Variants in SLC9A8 observed in about 807,000 individuals in gnomAD.
SLC9A8 encodes solute carrier family 9 member A8.
SLC9A8 carries 48 observed loss-of-function variants against 66.6 expected under a neutral mutation model. The observed-to-expected ratio is 0.72, with a 90% CI of 0.57 to 0.92. SLC9A8 has a LOEUF of 0.92. SLC9A8 is among the 40% of genes least tolerant of loss of function. SLC9A8 has a pLI of 0.00. For synonymous variants in SLC9A8, 274 were observed against 282.6 expected (o/e 0.97, Z 0.31); for missense variants, 599 against 747.3 (o/e 0.80, Z 2.31).
chr20:49,813,835 A>G (rs1385632002), intron 1 of SLC9A8, among the ~76,000 whole-genome samples: 2 of 152,204 alleles, frequency 1.3e-5, no homozygotes, highest in African/African-American at 4.8e-5. Flanking sequence ...GACAGGCAGC[A>G]TGGCTGGTGT....
intron 4 of SLC9A8, among the ~76,000 whole-genome samples, chr20:49,841,604 T>C (rs528089962): frequency 5.9e-5 from 9 of 152,064 alleles, no homozygotes; most frequent in Non-Finnish European, 1.2e-4. Flanking sequence ...TTATTTTCTT[T>C]TTTTGAGACA....
chr20:49,884,951 T>C (rs2089836345), intron 14 of SLC9A8, among the ~76,000 whole-genome samples: 1 of 152,240 alleles, frequency 6.6e-6, no homozygotes, highest in Non-Finnish European at 1.5e-5. Context: ...CTAGTTCCCG[T>C]ATTCTAGGCC....
At chr20:49,851,216 A>AGAG (rs1353641318) in intron 7 of SLC9A8, among the ~76,000 whole-genome samples, 1 of 152,166 alleles carries the variant, frequency 6.6e-6, no homozygotes, top group Non-Finnish European at 1.5e-5. Flanking sequence ...TTAGAGATGG[A>AGAG]GAGGGGGAGT....
At chr20:49,884,331 CACACACCCCCCG>C (rs2089804397) in intron 14 of SLC9A8, among the ~76,000 whole-genome samples, 3 of 139,508 alleles carry the variant, frequency 2.2e-5, no homozygotes, top group African/African-American at 8.3e-5. Context: ...CACACACACA[CACACACCCCCCG>C]GTCATCCCCC....
At chr20:49,818,045 G>A (rs1046729757) in intron 2 of SLC9A8, among the ~76,000 whole-genome samples, 4 of 151,780 alleles carry the variant, frequency 2.6e-5, no homozygotes, top group African/African-American at 9.7e-5. Flanking sequence ...AAAAACTTTT[G>A]TAATCACTTT....
intron 10 of SLC9A8, among the ~76,000 whole-genome samples, chr20:49,874,426 CTG>C (rs770971150): frequency 1.3e-5 from 2 of 152,098 alleles, no homozygotes; most frequent in Non-Finnish European, 2.9e-5. Flanking sequence ...CCTAACAGTT[CTG>C]TGAGTGGCTA....
At chr20:49,849,718 C>T (rs1441081485) in intron 6 of SLC9A8, 38 bp downstream of exon 6, 1 of 1,503,612 alleles carries the variant, frequency 6.7e-7, no homozygotes. Flanking sequence ...GAAAGTCTTA[C>T]ATTCTTAGAG....
intron 13 of SLC9A8, among the ~76,000 whole-genome samples, chr20:49,883,547 T>C (rs2089710222): frequency 6.6e-6 from 1 of 152,132 alleles, no homozygotes; most frequent in South Asian, 2.1e-4. Context: ...GTCCTGCAGT[T>C]TCCAAGACAC....
At chr20:49,877,536 A>G (rs1206136202) in intron 11 of SLC9A8, among the ~76,000 whole-genome samples, 1 of 152,090 alleles carries the variant, frequency 6.6e-6, no homozygotes, top group African/African-American at 2.4e-5. Context: ...ACCTTGTGGC[A>G]GTGTTAAATA....
chr20:49,832,082 C>T lies in SLC9A8; in HGVS notation c.290-7459C>T, dbSNP rs537606794. ...GAGCTGCTCTGACCTTGGTCTCCTC[C>T]CCGCAGTCCCACATTCTCCAGCCTG... is the stretch of plus-strand genomic sequence containing the variant. On this transcript the variant is annotated intron_variant, in intron 3 of 15. Coordinates refer to ENST00000361573, the MANE Select transcript of SLC9A8 (RefSeq NM_015266.3). Among the ~76,000 whole-genome samples the T allele has an allele frequency of 7.2e-4, 110 of 152,262 alleles. 1 individual carries two copies. The highest frequency in any genetic ancestry group is 6.8e-3 in the Middle Eastern group (2 of 294).
chr20:49,855,546 T>C lies in SLC9A8; in HGVS notation c.678T>C (p.Ser226=), dbSNP rs2088438581. Residue 226 remains serine, a synonymous_variant, in exon 8 of 16, where the codon AGT becomes AGC. Transcript: ENST00000361573. ...PVLNMLVFGE[S]ILNDAVSIVL... Reference sequence around the variant, plus strand: ...TCAACATGCTGGTCTTTGGAGAAAGTATTCTCAACGATGCAGTCTCCATTG... The same window carrying C: ...TCAACATGCTGGTCTTTGGAGAAAGCATTCTCAACGATGCAGTCTCCATTG... The C allele has an allele frequency of 1.2e-6, 2 of 1,614,194 alleles. No homozygotes were observed. The highest frequency in any genetic ancestry group is 1.3e-5 in the African/African-American group (1 of 75,054).
chr20:49,830,417 G>T lies in SLC9A8; in HGVS notation c.289+7276G>T, dbSNP rs1005962707. 1.8e-5 allele frequency: 15 copies of T among 833,508 alleles called. No homozygotes were observed. The East Asian group carries it at 3.5e-4, about 19-fold the overall frequency. The allele number at this position is 833,508 out of a possible 1,614,324, so 51.6% of individuals were successfully genotyped here. On this transcript the variant is annotated intron_variant, in intron 3 of 15. Transcript: ENST00000361573. ...CCTGTGACATCACTTTCGCCCGTGTGTTGGATCCCAAGGCGGCCAAGGACC... is the reference window on the plus strand; with the variant it reads ...CCTGTGACATCACTTTCGCCCGTGTTTTGGATCCCAAGGCGGCCAAGGACC...
chr20:49,875,590 C>G (rs562531408), intron 11 of SLC9A8, among the ~76,000 whole-genome samples: 2 of 152,256 alleles, frequency 1.3e-5, no homozygotes, highest in South Asian at 4.1e-4. Flanking sequence ...CCCCCACGCT[C>G]CGACATACCC....
chr20:49,834,451 T>A (rs145608900), intron 3 of SLC9A8, among the ~76,000 whole-genome samples: 2,274 of 57,920 alleles, frequency 0.039, 79 homozygotes, highest in Non-Finnish European at 0.064. Flanking sequence ...ATATATATAC[T>A]GTATATATAT....
At chr20:49,825,835 A>C (rs1469749845) in intron 3 of SLC9A8, among the ~76,000 whole-genome samples, 2 of 152,074 alleles carry the variant, frequency 1.3e-5, no homozygotes, top group Non-Finnish European at 2.9e-5. Context: ...TCCCTGTGGT[A>C]CTCTGATCCG....
intron 9 of SLC9A8, among the ~76,000 whole-genome samples, chr20:49,863,390 A>G (rs1432989026): frequency 2.0e-5 from 3 of 152,190 alleles, no homozygotes; most frequent in Non-Finnish European, 4.4e-5. Flanking sequence ...TACTTTTCAC[A>G]TTTGGAAAAC....
At chr20:49,852,732 A>G (rs1421168372) in intron 7 of SLC9A8, among the ~76,000 whole-genome samples, 1 of 152,226 alleles carries the variant, frequency 6.6e-6, no homozygotes, top group Non-Finnish European at 1.5e-5. Flanking sequence ...ATGATTCAGC[A>G]GTTTGTATTT....
chr20:49,885,052 CT>C (rs1568885454), intron 14 of SLC9A8, among the ~76,000 whole-genome samples: 1 of 152,248 alleles, frequency 6.6e-6, no homozygotes, highest in Non-Finnish European at 1.5e-5. Context: ...AGACCATGGC[CT>C]CCAATCTCCA....
At chr20:49,855,894 G>C (rs1187859034) in intron 8 of SLC9A8, among the ~76,000 whole-genome samples, 2 of 152,084 alleles carry the variant, frequency 1.3e-5, no homozygotes, top group African/African-American at 4.8e-5. Context: ...GGGTTCAACT[G>C]ATCTCCCACC....
Sources: allele counts gnomAD v4.1 joint callset (sites outside exome capture counted in the v4.1 genomes callset), GRCh38; gene constraint gnomAD v4.1.1; transcripts MANE v1.5; gene names NCBI Gene and HGNC (gene_info 2026-07-23, HGNC 2026-07-21).